The following DOCK1 variants were observed in gnomAD, a reference collection of about 807,000 sequenced individuals.
The protein encoded by DOCK1 is dedicator of cytokinesis protein 1.
A neutral mutation model predicts 262.7 loss-of-function variants in DOCK1; 138 were observed. That is an observed-to-expected ratio of 0.53 (90% confidence interval 0.46 to 0.61). The LOEUF is 0.61. Among genes scored for constraint, DOCK1 ranks in the 20% least tolerant of loss-of-function variants. The probability of loss-of-function intolerance (pLI) is 0.00; values close to 1 mark genes in which losing one functional copy is unlikely to be tolerated. For missense variants in DOCK1, 1,908 were observed against 2,370.7 expected, an observed-to-expected ratio of 0.80 and a Z score of 4.05; for synonymous variants, 866 against 867.4, an observed-to-expected ratio of 1.00 and a Z score of 0.03.
At chr10:127,122,060 G>A (rs920874091) in intron 25 of DOCK1, among the ~76,000 whole-genome samples, 77 of 152,210 alleles carry the variant, frequency 5.1e-4, no homozygotes, top group African/African-American at 1.8e-3. Flanking sequence ...TCAGTGTTCC[G>A]ATAACGGGGC....
chr10:127,008,923 T>A (rs892541764), intron 11 of DOCK1, 119 bp downstream of exon 11: 4 of 1,034,476 alleles, frequency 3.9e-6, no homozygotes, highest in South Asian at 1.6e-5. Context: ...TTTGTAATTA[T>A]GAAAAACCTC....
At chr10:126,963,648 T>TTCCTTCCTTCCC (rs2037443470) in intron 1 of DOCK1, among the ~76,000 whole-genome samples, 2 of 63,444 alleles carry the variant, frequency 3.2e-5, no homozygotes, top group African/African-American at 9.9e-5. Context: ...CCCTCCTTCC[T>TTCCTTCCTTCCC]TCCTTCCTTC....
intron 6 of DOCK1, among the ~76,000 whole-genome samples, chr10:126,992,801 C>CAT (rs2039904831): frequency 7.5e-6 from 1 of 132,590 alleles, no homozygotes; most frequent in Middle Eastern, 3.4e-3. Flanking sequence ...CACACACACA[C>CAT]ACACAGTTCT....
chr10:127,243,907 CTG>C (rs1192135773), intron 27 of DOCK1, among the ~76,000 whole-genome samples: 1 of 152,182 alleles, frequency 6.6e-6, no homozygotes, highest in Non-Finnish European at 1.5e-5. Context: ...TCATGACTAT[CTG>C]GTATCTTTTC....
intron 21 of DOCK1, among the ~76,000 whole-genome samples, chr10:127,046,391 A>G (rs781760715): frequency 2.0e-5 from 3 of 152,170 alleles, no homozygotes; most frequent in Non-Finnish European, 4.4e-5. Flanking sequence ...TGAGAGCATC[A>G]GGGCTCCCTA....
intron 31 of DOCK1, among the ~76,000 whole-genome samples, chr10:127,345,074 C>T (rs1490369154): frequency 2.0e-5 from 3 of 152,100 alleles, no homozygotes; most frequent in Non-Finnish European, 2.9e-5. Flanking sequence ...TAGGCTATAC[C>T]GTATGGCCGA....
At chr10:126,971,139 C>G (rs192669479) in intron 2 of DOCK1, among the ~76,000 whole-genome samples, 4 of 151,886 alleles carry the variant, frequency 2.6e-5, no homozygotes, top group Non-Finnish European at 5.9e-5. Context: ...CAACCTCTGC[C>G]TCCCAGGTAC....
intron 27 of DOCK1, among the ~76,000 whole-genome samples, chr10:127,174,923 C>T (rs1458297035): frequency 6.6e-6 from 1 of 152,104 alleles, no homozygotes; most frequent in Admixed American, 6.5e-5. Context: ...AACCTTTAGC[C>T]CTAGCAGAAT....
intron 29 of DOCK1, among the ~76,000 whole-genome samples, chr10:127,316,765 G>A (rs1027182901): frequency 6.6e-6 from 1 of 152,126 alleles, no homozygotes; most frequent in Admixed American, 6.5e-5. Flanking sequence ...ACAGAGTGGG[G>A]CCTGAAGCAG....
intron 29 of DOCK1, among the ~76,000 whole-genome samples, chr10:127,302,140 T>C (rs1265277670): frequency 6.6e-6 from 1 of 151,848 alleles, no homozygotes; most frequent in Non-Finnish European, 1.5e-5. Context: ...CCACAGCCTG[T>C]GTTTCCTGCT....
At chr10:127,026,546 C>A in intron 16 of DOCK1, 122 bp downstream of exon 16, 2 of 864,028 alleles carry the variant, frequency 2.3e-6, no homozygotes, top group Non-Finnish European at 3.7e-6. Flanking sequence ...TCATTTCCCA[C>A]CGGAACCTAT....
At chr10:127,186,525 G>A (rs60617392) in intron 27 of DOCK1, among the ~76,000 whole-genome samples, 5,695 of 26,210 alleles carry the variant, frequency 0.22, 1,193 homozygotes, top group African/African-American at 0.52. Context: ...GCCCCCCCCC[G>A]ATCCAGTTAC....
At chr10:126,991,839 A>G (rs143370203) in intron 6 of DOCK1, among the ~76,000 whole-genome samples, 1 of 152,234 alleles carries the variant, frequency 6.6e-6, no homozygotes, top group African/African-American at 2.4e-5. Context: ...GGAAATCTCA[A>G]GTTTTAAAAA....
chr10:127,313,302 C>G (rs2062135524), intron 29 of DOCK1, among the ~76,000 whole-genome samples: 1 of 152,162 alleles, frequency 6.6e-6, no homozygotes, highest in African/African-American at 2.4e-5. Context: ...GGACAATGTC[C>G]TAAGCATCTT....
At chr10:127,347,074 G>A (rs901428338) in intron 31 of DOCK1, among the ~76,000 whole-genome samples, 4 of 152,258 alleles carry the variant, frequency 2.6e-5, no homozygotes, top group African/African-American at 9.6e-5. Context: ...TAAGCCTTCA[G>A]CCCTTCATAG....
chr10:127,005,678 T>C (rs2040960982), intron 10 of DOCK1, among the ~76,000 whole-genome samples: 1 of 151,882 alleles, frequency 6.6e-6, no homozygotes, highest in Non-Finnish European at 1.5e-5. Context: ...TGTAGTTAAA[T>C]AAATTATCCA....
At chr10:127,419,577 T>C in intron 45 of DOCK1, 89 bp from the exon 46 acceptor site, 1 of 1,253,338 alleles carries the variant, frequency 8.0e-7, no homozygotes, top group African/African-American at 1.5e-5. Flanking sequence ...TATGCACAGC[T>C]CTATTCTCAG....
intron 27 of DOCK1, among the ~76,000 whole-genome samples, chr10:127,220,477 A>T (rs1046627566): frequency 6.6e-6 from 1 of 151,116 alleles, no homozygotes; most frequent in African/African-American, 2.4e-5. Flanking sequence ...TAAAAAAAAA[A>T]CTTAAGTCTA....
chr10:126,965,669 G>A (rs1423397720), intron 1 of DOCK1, among the ~76,000 whole-genome samples: 2 of 152,190 alleles, frequency 1.3e-5, no homozygotes, highest in Non-Finnish European at 2.9e-5. Context: ...GGCTTACTAT[G>A]TTTTTTCTCA....
Sources: allele counts gnomAD v4.1 joint callset (sites outside exome capture counted in the v4.1 genomes callset), GRCh38; gene constraint gnomAD v4.1.1; transcripts MANE v1.5; gene names NCBI Gene and HGNC (gene_info 2026-07-23, HGNC 2026-07-21).